The following AR variants were observed in gnomAD, a reference collection of about 807,000 sequenced individuals.
AR encodes androgen receptor.
A neutral mutation model predicts 53.9 loss-of-function variants in AR; 8 were observed. The observed-to-expected ratio is 0.15, with a 90% CI of 0.09 to 0.27. The LOEUF (loss-of-function observed/expected upper bound fraction) is 0.27. Ranked by LOEUF, AR falls within the 10% of genes least tolerant of loss-of-function variation. AR has a pLI of 1.00. For synonymous variants in AR, 359 were observed against 316.4 expected, an observed-to-expected ratio of 1.13 and a Z score of -1.43; for missense variants, 639 against 742.5, an observed-to-expected ratio of 0.86 and a Z score of 1.62.
chrX:67,571,542 G>A (rs1227112005), intron 1 of AR, among the ~76,000 whole-genome samples: 1 of 111,649 alleles, frequency 9.0e-6, no homozygotes, highest in South Asian at 3.8e-4. Flanking sequence ...AGTTGTCTAG[G>A]TGTTGGAAAT....
chrX:67,641,390 C>A (rs1195529150), intron 1 of AR, among the ~76,000 whole-genome samples: 1 of 111,804 alleles, frequency 8.9e-6, no homozygotes, highest in Non-Finnish European at 1.9e-5. Context: ...GTGTTAGTAA[C>A]AGAAGTCAAA....
chrX:67,661,231 C>G (rs188160922), intron 2 of AR, among the ~76,000 whole-genome samples: 18 of 110,875 alleles, frequency 1.6e-4, no homozygotes, highest in Non-Finnish European at 3.0e-4. Flanking sequence ...ATTGCCCTGG[C>G]CAGAACTTCC....
intron 1 of AR, among the ~76,000 whole-genome samples, chrX:67,627,570 A>G (rs2040575316): frequency 1.8e-5 from 2 of 111,105 alleles, no homozygotes; most frequent in South Asian, 7.7e-4. Flanking sequence ...ATTTTCTCTC[A>G]TTTTGTAGGT....
chrX:67,549,987 T>C (rs1422113811), intron 1 of AR, among the ~76,000 whole-genome samples: 2 of 112,231 alleles, frequency 1.8e-5, no homozygotes, highest in East Asian at 5.6e-4. Flanking sequence ...AGACAGATTA[T>C]TTCTGCCCAT....
At chrX:67,627,646 T>C (rs1300162122) in intron 1 of AR, among the ~76,000 whole-genome samples, 1 of 111,956 alleles carries the variant, frequency 8.9e-6, no homozygotes, top group Admixed American at 9.5e-5. Context: ...TTAGATCCCA[T>C]TTGTCAATTT....
At chrX:67,571,482 T>C (rs1921810808) in intron 1 of AR, among the ~76,000 whole-genome samples, 1 of 111,532 alleles carries the variant, frequency 9.0e-6, no homozygotes, top group Non-Finnish European at 1.9e-5. Flanking sequence ...TGGTAGTCCC[T>C]GAGAAGGAAG....
chrX:67,636,756 G>A (rs1925454630), intron 1 of AR, among the ~76,000 whole-genome samples: 1 of 111,459 alleles, frequency 9.0e-6, no homozygotes, highest in South Asian at 3.7e-4. Flanking sequence ...ACTAGGTCAG[G>A]ATCAGTGGGA....
intron 1 of AR, among the ~76,000 whole-genome samples, chrX:67,610,627 T>C (rs1426590507): frequency 9.0e-6 from 1 of 111,535 alleles, no homozygotes; most frequent in Non-Finnish European, 1.9e-5. Context: ...AACTTAATTT[T>C]TTCACTTAAT....
intron 1 of AR, among the ~76,000 whole-genome samples, chrX:67,566,217 A>G (rs1602159443): frequency 8.9e-6 from 1 of 111,801 alleles, no homozygotes; most frequent in Non-Finnish European, 1.9e-5. Context: ...TTATTCATCA[A>G]TACATTTCCT....
At chrX:67,565,223 T>G (rs1360434218) in intron 1 of AR, among the ~76,000 whole-genome samples, 1 of 111,888 alleles carries the variant, frequency 8.9e-6, no homozygotes, top group Non-Finnish European at 1.9e-5. Context: ...TCTGGATGAC[T>G]TTAAAAGATT....
At chrX:67,623,307 G>A (rs771791154) in intron 1 of AR, among the ~76,000 whole-genome samples, 2 of 111,213 alleles carry the variant, frequency 1.8e-5, no homozygotes, top group Non-Finnish European at 3.8e-5. Context: ...GAAAAACTTC[G>A]GTAAGCTCTC....
chrX:67,679,248 C>T (rs954940977), intron 2 of AR, among the ~76,000 whole-genome samples: 2 of 111,023 alleles, frequency 1.8e-5, no homozygotes, highest in Non-Finnish European at 1.9e-5. Context: ...TGATATGTAA[C>T]CAAGTATATT....
At chrX:67,583,135 T>C (rs758622416) in intron 1 of AR, among the ~76,000 whole-genome samples, 25 of 112,054 alleles carry the variant, frequency 2.2e-4, no homozygotes, top group Non-Finnish European at 3.2e-4. Context: ...AAAGTTGATT[T>C]ATTTATGAAC....
chrX:67,696,619 G>A (rs1368404121), intron 3 of AR, among the ~76,000 whole-genome samples: 1 of 111,812 alleles, frequency 8.9e-6, no homozygotes, highest in Non-Finnish European at 1.9e-5. Context: ...CCAGAATTGG[G>A]GCTGGGAGGG....
chrX:67,607,496 T>C (rs187320360), intron 1 of AR, among the ~76,000 whole-genome samples: 41 of 111,859 alleles, frequency 3.7e-4, no homozygotes, highest in Non-Finnish European at 5.6e-4. Flanking sequence ...TAGCTACTTC[T>C]TTGAGTTATG....
intron 1 of AR, among the ~76,000 whole-genome samples, chrX:67,624,069 C>T (rs2147400297): frequency 9.0e-6 from 1 of 110,922 alleles, no homozygotes; most frequent in East Asian, 2.8e-4. Flanking sequence ...GGAAGTGCCA[C>T]ACACTTTTAA....
In AR at chrX:67,545,509, G is replaced by C. The variant is rs1166302303; in HGVS notation, c.363G>C (p.Ser121=). The C allele has an allele frequency of 1.7e-6, 2 of 1,192,718 alleles. No individual in the cohort carries two copies. Among genetic ancestry groups the C allele is most frequent in the African/African-American group, 1.7e-5 (1 of 57,175 alleles). The change falls in exon 1 of 8, where the codon TCG becomes TCC. Residue 121 remains serine, a synonymous_variant. Coordinates refer to ENST00000374690, the MANE Select transcript of AR (RefSeq NM_000044.6). ...DEEQQPSQPQ[S]ALECHPERGC... The stretch of plus-strand genomic sequence containing the variant: ...AACAGCAACCTTCACAGCCGCAGTC[G>C]GCCCTGGAGTGCCACCCCGAGAGAG...
At chrX:67,634,250 A>G (rs982831697) in intron 1 of AR, among the ~76,000 whole-genome samples, 28 of 111,602 alleles carry the variant, frequency 2.5e-4, no homozygotes, top group Non-Finnish European at 5.3e-4. Flanking sequence ...TATGCAAAAT[A>G]GAGGTAATGA....
chrX:67,640,412 A>T (rs1374803913), intron 1 of AR, among the ~76,000 whole-genome samples: 2 of 111,363 alleles, frequency 1.8e-5, no homozygotes, highest in Non-Finnish European at 3.8e-5. Flanking sequence ...TCCTCTTTGT[A>T]CATCTGGTAG....
Sources: gnomAD v4.1 joint callset for allele counts (sites outside exome capture counted in the v4.1 genomes callset) on GRCh38, gnomAD v4.1.1 for gene constraint, MANE v1.5 for transcripts, NCBI Gene and HGNC (gene_info 2026-07-23, HGNC 2026-07-21) for gene names.